Variants in YARS1 observed in about 807,000 individuals in gnomAD.
The protein encoded by YARS1 is tyrosine--tRNA ligase, cytoplasmic.
In YARS1, 36 loss-of-function variants were observed where a neutral mutation model predicts 62.2. The ratio of observed to expected loss-of-function variants is 0.58; its 90% CI spans 0.44 to 0.76. The LOEUF is 0.76. Ranked by LOEUF, YARS1 falls within the 30% of genes least tolerant of loss-of-function variation. The pLI is 0.00. For synonymous variants in YARS1, 234 were observed against 244.9 expected, an observed-to-expected ratio of 0.96 and a Z score of 0.42; for missense variants, 524 against 639.8, an observed-to-expected ratio of 0.82 and a Z score of 1.95.
chr1:32,791,341 G>T, intron 5 of YARS1, 87 bp from the exon 6 acceptor site: 1 of 1,019,688 alleles, frequency 9.8e-7, no homozygotes, highest in Non-Finnish European at 1.6e-6. Flanking sequence ...GCCAGCAACT[G>T]AGTAGTTGTT....
At chr1:32,804,433 G>A (rs1428338649) in intron 4 of YARS1, among the ~76,000 whole-genome samples, 14 of 150,714 alleles carry the variant, frequency 9.3e-5, no homozygotes, top group African/African-American at 2.2e-4. Flanking sequence ...CCCACCTCCC[G>A]GACGGGGCGG....
chr1:32,815,796 G>A (rs1638703261), intron 1 of YARS1, among the ~76,000 whole-genome samples: 1 of 152,124 alleles, frequency 6.6e-6, no homozygotes. Flanking sequence ...CTGCTAACGG[G>A]TGCAAGTTTT....
At chr1:32,792,917 TAAAAG>T (rs1452552279) in intron 5 of YARS1, among the ~76,000 whole-genome samples, 1 of 147,388 alleles carries the variant, frequency 6.8e-6, no homozygotes, top group Non-Finnish European at 1.5e-5. Flanking sequence ...AATAAATAAA[TAAAAG>T]AAAATAAGAG....
intron 9 of YARS1, chr1:32,782,123 G>C (rs1248550528): frequency 2.1e-6 from 1 of 467,840 alleles, no homozygotes; most frequent in Non-Finnish European, 3.9e-6. Context: ...TATCTTTAAT[G>C]AAGAGGCAGA....
chr1:32,798,789 C>T (rs115129787), intron 4 of YARS1, among the ~76,000 whole-genome samples: 3,308 of 152,134 alleles, frequency 0.022, 115 homozygotes, highest in African/African-American at 0.074. Flanking sequence ...TGCCACTGCA[C>T]CCGAGCCTGG....
intron 1 of YARS1, chr1:32,816,967 C>G (rs1638759230): frequency 6.4e-6 from 4 of 622,496 alleles, no homozygotes; most frequent in Non-Finnish European, 1.1e-5. Context: ...CAACACAAGA[C>G]AACTGGACGC....
At chr1:32,809,219 C>T (rs1382951065) in intron 3 of YARS1, among the ~76,000 whole-genome samples, 1 of 151,774 alleles carries the variant, frequency 6.6e-6, no homozygotes, top group African/African-American at 2.4e-5. Flanking sequence ...CCCGAGTAGC[C>T]GTGATTACAG....
At chr1:32,780,428 A>G (rs1653015619) in intron 10 of YARS1, 150 bp from the exon 11 acceptor site, 1 of 833,354 alleles carries the variant, frequency 1.2e-6, no homozygotes, top group Non-Finnish European at 1.9e-6. Flanking sequence ...CGTCCCAGAC[A>G]GCAGACAGGA....
At chr1:32,817,076 G>A in intron 1 of YARS1, 112 bp downstream of exon 1, 1 of 1,370,760 alleles carries the variant, frequency 7.3e-7, no homozygotes, top group South Asian at 1.2e-5. Flanking sequence ...TCAGAGCTGC[G>A]CCAGCGCCGA....
rs76435574 is a variant in YARS1 at position 32,799,775 on chromosome 1, C to T, written c.511-1932G>A. The stretch of plus-strand genomic sequence containing the variant: ...ATATGACTAGGACTAGAGGCTACCA[C>T]ATTAGACAGTACAGACCTAGTTTTT... On this transcript the variant is annotated intron_variant, in intron 4 of 12. Transcript: ENST00000373477. Among the ~76,000 whole-genome samples, 347 of 152,270 alleles carry T rather than the reference C, an allele frequency of 2.3e-3. 9 individuals carry two copies. In the East Asian group the frequency reaches 0.059, roughly 26 times the overall value.
intron 6 of YARS1, chr1:32,790,948 C>T (rs1485028889): frequency 3.6e-6 from 2 of 559,034 alleles, no homozygotes; most frequent in Non-Finnish European, 6.4e-6. Context: ...ATTTTTTTAT[C>T]AGCAGCAAAA....
At chr1:32,800,258 A>T (rs945276496) in intron 4 of YARS1, among the ~76,000 whole-genome samples, 4 of 152,176 alleles carry the variant, frequency 2.6e-5, no homozygotes, top group African/African-American at 9.7e-5. Context: ...TTGGGATTAC[A>T]GGTGCCAGCC....
intron 1 of YARS1, among the ~76,000 whole-genome samples, chr1:32,815,177 C>CGTCTCT (rs1638677197): frequency 6.6e-6 from 1 of 152,050 alleles, no homozygotes; most frequent in African/African-American, 2.4e-5. Context: ...GGTGAAACCC[C>CGTCTCT]GTCTCTACTA....
At position 32,779,393 on chromosome 1, in the gene YARS1, C is replaced by T. The variant is rs768280860; in HGVS notation, c.1465G>A (p.Glu489Lys). 3.7e-6 allele frequency: 6 copies of T among 1,614,186 alleles called. No homozygotes were observed. The highest frequency in any genetic ancestry group is 1.1e-5 in the South Asian group (1 of 91,076). ...TTACAGCTTTTTACCTGCAACTTCT[C>T]GAAGACTTTCTTCTTGGGCTTGAGC... The part of the protein sequence containing the change: ...EELKPKKKVF[E>K]KLQADFKISE... The change falls in exon 12 of 13, where the codon GAG becomes AAG. Residue 489 changes from glutamate (E) to lysine (K), a missense_variant. Physicochemically the swap from Glu to Lys is moderately conservative, Grantham distance 56 (BLOSUM62 1). Transcript: ENST00000373477.
intron 7 of YARS1, chr1:32,786,660 C>A (rs1653238853): frequency 4.3e-6 from 3 of 704,534 alleles, no homozygotes; most frequent in Admixed American, 4.9e-5. Context: ...TGGCTTATAT[C>A]TATTTTGTTG....
chr1:32,793,315 A>T (rs1314998131), intron 5 of YARS1, among the ~76,000 whole-genome samples: 3 of 152,198 alleles, frequency 2.0e-5, no homozygotes, highest in African/African-American at 7.2e-5. Flanking sequence ...AGCAAAATCT[A>T]AGCAGGATAA....
intron 12 of YARS1, among the ~76,000 whole-genome samples, chr1:32,779,141 A>G (rs1432742869): frequency 6.6e-6 from 1 of 152,168 alleles, no homozygotes; most frequent in African/African-American, 2.4e-5. Flanking sequence ...AAATGAAGAA[A>G]TGTCTGAAGT....
chr1:32,802,895 C>A (rs1469214050), intron 4 of YARS1, among the ~76,000 whole-genome samples: 1 of 151,754 alleles, frequency 6.6e-6, no homozygotes, highest in African/African-American at 2.4e-5. Context: ...TCACTGCAAT[C>A]TCTGCCTCCT....
intron 3 of YARS1, among the ~76,000 whole-genome samples, chr1:32,808,750 G>A (rs1638518329): frequency 6.6e-6 from 1 of 152,136 alleles, no homozygotes; most frequent in South Asian, 2.1e-4. Flanking sequence ...AGTAGAGAGG[G>A]CTTCCCTAAC....
Sources: gnomAD v4.1 joint callset for allele counts (sites outside exome capture counted in the v4.1 genomes callset) on GRCh38, gnomAD v4.1.1 for gene constraint, MANE v1.5 for transcripts, NCBI Gene and HGNC (gene_info 2026-07-23, HGNC 2026-07-21) for gene names.